MTIF3: variants seen among roughly 807,000 people sequenced by gnomAD.
MTIF3 encodes mitochondrial translational initiation factor 3, also known as translation initiation factor IF-3, mitochondrial.
A neutral mutation model predicts 20.7 loss-of-function variants in MTIF3; 13 were observed. That is an observed-to-expected ratio of 0.63 (90% CI 0.41 to 1.00). MTIF3 has a LOEUF of 1.00. MTIF3 is among the 50% of genes least tolerant of loss of function. The probability of loss-of-function intolerance (pLI) is 0.00; values close to 1 mark genes in which losing one functional copy is unlikely to be tolerated. For missense variants in MTIF3, 295 were observed against 324.5 expected, an observed-to-expected ratio of 0.91 and a Z score of 0.70; for synonymous variants, 114 against 112.5, an observed-to-expected ratio of 1.01 and a Z score of -0.08.
intron 1 of MTIF3, among the ~76,000 whole-genome samples, chr13:27,449,087 C>T (rs958848691): frequency 3.9e-5 from 6 of 152,108 alleles, no homozygotes; most frequent in Admixed American, 2.6e-4. Context: ...CTATGTTAAT[C>T]CTATGTTAGT....
chr13:27,450,550 GTACAGCGGATCTGCGGCGAGTCCCC>G (rs150251581), exon 1 of MTIF3: 6,963 of 152,426 alleles, frequency 0.046, 519 homozygotes, highest in African/African-American at 0.16. Flanking sequence ...GCGGACGCAA[GTACAGCGGATCTGCGGCGAGTCCCC>G]TTCGCTCTCC....
intron 3 of MTIF3, among the ~76,000 whole-genome samples, chr13:27,439,017 T>C (rs1198290758): frequency 1.3e-5 from 2 of 152,200 alleles, no homozygotes; most frequent in Admixed American, 6.5e-5. Context: ...TTCATAATGA[T>C]TGGCACTTTT....
intron 1 of MTIF3, among the ~76,000 whole-genome samples, chr13:27,449,477 G>A (rs1413737065): frequency 6.6e-6 from 1 of 152,106 alleles, no homozygotes; most frequent in Non-Finnish European, 1.5e-5. Flanking sequence ...TTATGCCTAG[G>A]CCACACTGGC....
intron 3 of MTIF3, among the ~76,000 whole-genome samples, chr13:27,439,180 T>C (rs79109712): frequency 0.016 from 2,450 of 152,352 alleles, 62 homozygotes; most frequent in African/African-American, 0.055. Context: ...GGAGATGCTC[T>C]GTGAATCACT....
chr13:27,437,245 C>T lies in MTIF3; in HGVS notation c.489G>A (p.Leu163=), dbSNP rs768782550. ...AATCATGTTGTCCAATATTTGAAGA[C>T]AAAATCAGTTCCTTTCTCAGGGTTG... is the stretch of plus-strand genomic sequence containing the variant. The part of the protein sequence containing the change: ...TGPTLRKELI[L]SSNIGQHDLD... Residue 163 remains leucine, a synonymous_variant, in exon 4 of 5, where the codon TTG becomes TTA. Transcript: ENST00000381120. 3 of 1,613,770 alleles carry T rather than the reference C, an allele frequency of 1.9e-6. No homozygotes were observed. In the East Asian group the frequency reaches 6.7e-5, roughly 36 times the overall value.
At chr13:27,449,007 T>C (rs965525000) in intron 1 of MTIF3, among the ~76,000 whole-genome samples, 6 of 152,118 alleles carry the variant, frequency 3.9e-5, no homozygotes, top group African/African-American at 1.2e-4. Flanking sequence ...TGCACCGCAC[T>C]CCAGCCTAAG....
At chr13:27,450,182 GA>G (rs1237235215) in intron 1 of MTIF3, 2 of 152,268 alleles carry the variant, frequency 1.3e-5, no homozygotes, top group East Asian at 3.8e-4. Flanking sequence ...CTAGAGACGG[GA>G]CGTAGCGACG....
intron 1 of MTIF3, among the ~76,000 whole-genome samples, chr13:27,449,241 CCA>C (rs1954275738): frequency 6.6e-6 from 1 of 152,152 alleles, no homozygotes; most frequent in African/African-American, 2.4e-5. Context: ...TCGAATCCAT[CCA>C]GTCCTCTCCG....
chr13:27,446,019 T>G (rs1228073926), intron 1 of MTIF3, among the ~76,000 whole-genome samples: 1 of 152,100 alleles, frequency 6.6e-6, no homozygotes, highest in Non-Finnish European at 1.5e-5. Flanking sequence ...GAATAGGGAC[T>G]AGGTATTAGA....
At chr13:27,440,530 G>T in intron 2 of MTIF3, 81 bp from the exon 3 acceptor site, 1 of 1,122,602 alleles carries the variant, frequency 8.9e-7, no homozygotes, top group Non-Finnish European at 1.3e-6. Flanking sequence ...GGCAGGGTGT[G>T]TGTGAGGTTG....
At chr13:27,436,264 G>A (rs1342589526) in intron 4 of MTIF3, among the ~76,000 whole-genome samples, 1 of 152,142 alleles carries the variant, frequency 6.6e-6, no homozygotes, top group Non-Finnish European at 1.5e-5. Flanking sequence ...GCCCCTAACA[G>A]AGTCTCTCTC....
chr13:27,439,664 G>A (rs1953922313), intron 3 of MTIF3, among the ~76,000 whole-genome samples: 1 of 152,206 alleles, frequency 6.6e-6, no homozygotes, highest in Non-Finnish European at 1.5e-5. Flanking sequence ...CGGCTACTCA[G>A]CTTGCTGCGG....
intron 4 of MTIF3, among the ~76,000 whole-genome samples, chr13:27,436,731 T>G (rs1305620252): frequency 1.3e-5 from 2 of 150,094 alleles, no homozygotes; most frequent in African/African-American, 4.9e-5. Flanking sequence ...TCTTTATATT[T>G]CAGATTTTCT....
At chr13:27,446,334 G>A (rs1262635430) in intron 1 of MTIF3, among the ~76,000 whole-genome samples, 2 of 152,138 alleles carry the variant, frequency 1.3e-5, no homozygotes, top group African/African-American at 2.4e-5. Context: ...TTGGGATTAC[G>A]GGCGTGAGCC....
At chr13:27,450,451 C>A in intron 1 of MTIF3, 58 bp downstream of exon 1, 1 of 152,546 alleles carries the variant, frequency 6.6e-6, no homozygotes, top group Non-Finnish European at 1.5e-5. Context: ...CCCCCTAAGG[C>A]CACGCCCTCC....
intron 1 of MTIF3, among the ~76,000 whole-genome samples, chr13:27,449,156 A>G (rs572134662): frequency 3.9e-5 from 6 of 152,280 alleles, no homozygotes; most frequent in African/African-American, 1.2e-4. Flanking sequence ...AGTCACCTCC[A>G]AGACACCTTT....
At chr13:27,438,201 T>C (rs1209195069) in intron 3 of MTIF3, among the ~76,000 whole-genome samples, 3 of 150,926 alleles carry the variant, frequency 2.0e-5, no homozygotes, top group East Asian at 3.9e-4. Flanking sequence ...ATCATAAAGA[T>C]TGGGGGCCAG....
chr13:27,438,910 C>T (rs1010449383), intron 3 of MTIF3, among the ~76,000 whole-genome samples: 16 of 149,354 alleles, frequency 1.1e-4, no homozygotes, highest in African/African-American at 2.9e-4. Flanking sequence ...AAAACTGAGC[C>T]GCAGATAACA....
chr13:27,436,485 G>A (rs557126487), intron 4 of MTIF3, among the ~76,000 whole-genome samples: 3 of 151,866 alleles, frequency 2.0e-5, no homozygotes, highest in East Asian at 1.9e-4. Flanking sequence ...GACAGTCTAC[G>A]TAATTAATGC....
Sources: gnomAD v4.1 joint callset for allele counts (sites outside exome capture counted in the v4.1 genomes callset) on GRCh38, gnomAD v4.1.1 for gene constraint, MANE v1.5 for transcripts, NCBI Gene and HGNC (gene_info 2026-07-23, HGNC 2026-07-21) for gene names.